The following CYRIA variants were observed in gnomAD, a reference collection of about 807,000 sequenced individuals.
The protein encoded by CYRIA is CYFIP related Rac1 interactor A.
Under a neutral mutation model 43.9 loss-of-function variants are expected in CYRIA, and 15 were observed. That is an observed-to-expected ratio of 0.34 (90% CI 0.23 to 0.53). The LOEUF (loss-of-function observed/expected upper bound fraction) is 0.53. CYRIA is among the 20% of genes least tolerant of loss of function. CYRIA has a pLI of 0.94. For missense variants in CYRIA, 236 were observed against 394.2 expected, an observed-to-expected ratio of 0.60 and a Z score of 3.40; for synonymous variants, 117 against 136.0, an observed-to-expected ratio of 0.86 and a Z score of 0.97.
intron 1 of CYRIA, among the ~76,000 whole-genome samples, chr2:16,661,732 C>T (rs530558692): frequency 7.9e-5 from 12 of 152,266 alleles, no homozygotes; most frequent in South Asian, 2.1e-4. Context: ...GTCACTGACA[C>T]GCCAGCCAAG....
intron 2 of CYRIA, among the ~76,000 whole-genome samples, chr2:16,606,478 G>A (rs1312854764): frequency 6.6e-6 from 1 of 151,404 alleles, no homozygotes; most frequent in Non-Finnish European, 1.5e-5. Context: ...ATGTTACAGG[G>A]AATGTCACAT....
intron 3 of CYRIA, among the ~76,000 whole-genome samples, chr2:16,575,606 A>G (rs1667305134): frequency 6.6e-6 from 1 of 152,126 alleles, no homozygotes; most frequent in Admixed American, 6.5e-5. Flanking sequence ...TTGTAATCCC[A>G]GCACTTTGGG....
rs747685126 is a variant in CYRIA at position 16,552,889 on chromosome 2, T to C, written c.*47A>G. 1 of 1,142,288 alleles carries C rather than the reference T, an allele frequency of 8.8e-7. No individual in the cohort carries two copies. The highest frequency in any genetic ancestry group is 1.3e-6 in the Non-Finnish European group (1 of 749,774). The allele number at this position is 1,142,288 out of a possible 1,614,324, so 70.8% of individuals were successfully genotyped here. On this transcript the variant is annotated 3_prime_UTR_variant, in exon 12 of 12. Transcript: ENST00000381323. ...ATCTGTATTAAATTATGTAAACATA[T>C]ACATCTTCTGAGGTCAGCACATAGA...
chr2:16,561,952 C>G lies in CYRIA; in HGVS notation c.435+53G>C, dbSNP rs1481115945. ...ACAGCACTAACAGAACAGCTGTAAACAGTAGGTACTCAGTACAAGTTTATT... is the reference window on the plus strand; with the variant it reads ...ACAGCACTAACAGAACAGCTGTAAAGAGTAGGTACTCAGTACAAGTTTATT... On this transcript the variant is annotated intron_variant, in intron 6 of 11. Transcript: ENST00000381323. The G allele has an allele frequency of 7.1e-6, 11 of 1,557,790 alleles. No homozygotes were observed. The South Asian group carries it at 7.3e-5, about 10-fold the overall frequency.
chr2:16,657,099 T>A (rs1433092157), intron 1 of CYRIA, among the ~76,000 whole-genome samples: 1 of 152,192 alleles, frequency 6.6e-6, no homozygotes, highest in African/African-American at 2.4e-5. Flanking sequence ...CATGTCTTAA[T>A]TCTCAGAGAG....
chr2:16,573,125 T>C (rs1474996538), intron 3 of CYRIA, among the ~76,000 whole-genome samples: 2 of 152,234 alleles, frequency 1.3e-5, no homozygotes, highest in African/African-American at 4.8e-5. Flanking sequence ...GTTTCTTCAT[T>C]GGTGACTGTC....
intron 3 of CYRIA, among the ~76,000 whole-genome samples, chr2:16,579,974 G>T (rs767667864): frequency 1.3e-5 from 2 of 151,346 alleles, no homozygotes; most frequent in Non-Finnish European, 2.9e-5. Context: ...TTGAGACAGG[G>T]TCTCACTCTA....
chr2:16,560,945 G>A, intron 9 of CYRIA, 45 bp downstream of exon 9: 5 of 1,504,342 alleles, frequency 3.3e-6, no homozygotes, highest in Non-Finnish European at 4.6e-6. Flanking sequence ...ACAGACACTG[G>A]CTGGGTGAAG....
At chr2:16,615,627 G>A (rs953519276) in intron 2 of CYRIA, among the ~76,000 whole-genome samples, 1 of 152,146 alleles carries the variant, frequency 6.6e-6, no homozygotes, top group Non-Finnish European at 1.5e-5. Context: ...CACAGAGGTA[G>A]ACCCAATGAT....
At chr2:16,575,878 A>AAAATAAATAAATAAAT (rs71297007) in intron 3 of CYRIA, among the ~76,000 whole-genome samples, 8 of 147,996 alleles carry the variant, frequency 5.4e-5, no homozygotes, top group Admixed American at 1.4e-4. Context: ...ATAAATAAAT[A>AAAATAAATAAATAAAT]AAATAAATAA....
chr2:16,627,339 C>T (rs939385057), intron 1 of CYRIA, among the ~76,000 whole-genome samples: 4 of 152,228 alleles, frequency 2.6e-5, no homozygotes, highest in African/African-American at 9.6e-5. Flanking sequence ...AGCAGCAGAG[C>T]TTAGACTGAG....
chr2:16,560,376 G>A (rs1261810518), intron 9 of CYRIA, among the ~76,000 whole-genome samples: 1 of 152,104 alleles, frequency 6.6e-6, no homozygotes, highest in African/African-American at 2.4e-5. Context: ...AAAGTAGATG[G>A]CCTTATGGGA....
intron 3 of CYRIA, among the ~76,000 whole-genome samples, chr2:16,572,096 T>G (rs1181063689): frequency 1.3e-5 from 2 of 152,134 alleles, no homozygotes; most frequent in African/African-American, 2.4e-5. Flanking sequence ...TTTCTTCACA[T>G]GCAGTGGGAC....
chr2:16,620,860 C>T (rs1223957976), intron 2 of CYRIA, among the ~76,000 whole-genome samples: 1 of 152,152 alleles, frequency 6.6e-6, no homozygotes, highest in Non-Finnish European at 1.5e-5. Flanking sequence ...ATTCCTAACA[C>T]CCTTCCCTGA....
intron 1 of CYRIA, among the ~76,000 whole-genome samples, chr2:16,634,387 G>A (rs1313737101): frequency 1.3e-5 from 2 of 152,308 alleles, no homozygotes; most frequent in East Asian, 1.9e-4. Context: ...GCATCTTACA[G>A]TAGACACATC....
chr2:16,620,602 A>G (rs1245855379), intron 2 of CYRIA, among the ~76,000 whole-genome samples: 1 of 152,190 alleles, frequency 6.6e-6, no homozygotes, highest in African/African-American at 2.4e-5. Flanking sequence ...TAAAACTCCA[A>G]TCCTAATAAC....
At chr2:16,612,971 C>T (rs899021814) in intron 2 of CYRIA, among the ~76,000 whole-genome samples, 11 of 152,156 alleles carry the variant, frequency 7.2e-5, no homozygotes, top group Non-Finnish European at 1.3e-4. Context: ...AATGGGAGTT[C>T]CCCCGCACAA....
Position 16,648,588 on chromosome 2 carries a change from T to C in CYRIA, c.-167+17192A>G, listed in dbSNP as rs193118409. Among the ~76,000 whole-genome samples, 78 of 152,360 alleles carry C rather than the reference T, an allele frequency of 5.1e-4. 1 individual carries two copies. The highest frequency in any genetic ancestry group is 1.8e-3 in the African/African-American group (74 of 41,586). On this transcript the variant is annotated intron_variant, in intron 1 of 11. Transcript: ENST00000381323. ...TTTAAGAAATAAATTGATAAACCTG[T>C]TTATCTCTCTAGCATGCAGCTGAAA...
At chr2:16,583,432 G>A (rs766907902) in intron 3 of CYRIA, among the ~76,000 whole-genome samples, 10 of 152,100 alleles carry the variant, frequency 6.6e-5, no homozygotes, top group South Asian at 6.2e-4. Flanking sequence ...AGAAGCACCT[G>A]GAAATGTGGG....
Sources: allele counts gnomAD v4.1 joint callset (sites outside exome capture counted in the v4.1 genomes callset), GRCh38; gene constraint gnomAD v4.1.1; transcripts MANE v1.5; gene names NCBI Gene and HGNC (gene_info 2026-07-23, HGNC 2026-07-21).